Variants in AGO2 observed in about 807,000 individuals in gnomAD.
AGO2 encodes argonaute RISC catalytic component 2, also known as protein argonaute-2.
AGO2 carries 5 observed loss-of-function variants against 102.3 expected under a neutral mutation model. The ratio of observed to expected loss-of-function variants is 0.05; its 90% CI spans 0.03 to 0.10. AGO2 has a LOEUF of 0.10. Ranked by LOEUF, AGO2 falls within the 10% of genes least tolerant of loss-of-function variation. The pLI is 1.00. For synonymous variants in AGO2, 449 were observed against 473.1 expected (o/e 0.95, Z 0.66); for missense variants, 541 against 1,183.7 (o/e 0.46, Z 7.97).
upstream of AGO2, among the ~76,000 whole-genome samples, chr8:140,639,299 G>A (rs1394187365): frequency 6.6e-6 from 1 of 152,186 alleles, no homozygotes; most frequent in African/African-American, 2.4e-5. Flanking sequence ...GGCTAACACG[G>A]TGAAACCCTG....
chr8:140,639,558 A>G (rs1219597898), upstream of AGO2, among the ~76,000 whole-genome samples: 2 of 151,564 alleles, frequency 1.3e-5, no homozygotes, highest in Non-Finnish European at 2.9e-5. Context: ...TCAAGGTGAG[A>G]GGATTGCTTG....
intron 1 of AGO2, among the ~76,000 whole-genome samples, chr8:140,605,317 G>C (rs1385314031): frequency 6.6e-6 from 1 of 152,158 alleles, no homozygotes; most frequent in African/African-American, 2.4e-5. Flanking sequence ...GGCTGGACTT[G>C]AACTCCTGAG....
At chr8:140,626,035 T>C (rs1170653045) in intron 1 of AGO2, among the ~76,000 whole-genome samples, 6 of 152,208 alleles carry the variant, frequency 3.9e-5, no homozygotes, top group African/African-American at 7.2e-5. Flanking sequence ...CAGTCACCAA[T>C]AGGGCCACTC....
intron 16 of AGO2, among the ~76,000 whole-genome samples, chr8:140,536,291 C>CA (rs1392389942): frequency 6.6e-6 from 1 of 151,154 alleles, no homozygotes; most frequent in Non-Finnish European, 1.5e-5. Context: ...AATATACATA[C>CA]AAAAAAGAAT....
intron 1 of AGO2, among the ~76,000 whole-genome samples, chr8:140,634,543 A>C (rs1333927093): frequency 6.6e-6 from 1 of 152,334 alleles, no homozygotes; most frequent in East Asian, 1.9e-4. Flanking sequence ...AAGCAGGAGA[A>C]CACCTGACCG....
chr8:140,631,269 T>C (rs1029045892), intron 1 of AGO2, among the ~76,000 whole-genome samples: 10 of 151,926 alleles, frequency 6.6e-5, no homozygotes, highest in Non-Finnish European at 1.5e-4. Flanking sequence ...AGGCCGGGCG[T>C]GGTGGCTCAC....
At chr8:140,629,044 T>C (rs964100374) in intron 1 of AGO2, among the ~76,000 whole-genome samples, 1 of 151,568 alleles carries the variant, frequency 6.6e-6, no homozygotes, top group African/African-American at 2.4e-5. Flanking sequence ...TGGGTCGACA[T>C]TGCGCCACTG....
chr8:140,611,932 C>A (rs548507108), intron 1 of AGO2, among the ~76,000 whole-genome samples: 5 of 152,118 alleles, frequency 3.3e-5, no homozygotes, highest in Non-Finnish European at 7.4e-5. Flanking sequence ...TAAAAGACTT[C>A]TGGTGAGTTC....
chr8:140,556,879 C>T (rs1451539877), intron 8 of AGO2, among the ~76,000 whole-genome samples: 1 of 152,208 alleles, frequency 6.6e-6, no homozygotes, highest in Non-Finnish European at 1.5e-5. Context: ...AAGGTTCACA[C>T]CAATCCCACA....
chr8:140,640,003 C>A (rs2074431545), upstream of AGO2, among the ~76,000 whole-genome samples: 1 of 145,638 alleles, frequency 6.9e-6, no homozygotes, highest in South Asian at 2.3e-4. Context: ...CTCAAGTTGC[C>A]ATTTTTTTTT....
chr8:140,538,858 T>C (rs1424585263), intron 16 of AGO2, among the ~76,000 whole-genome samples: 1 of 152,198 alleles, frequency 6.6e-6, no homozygotes, highest in Non-Finnish European at 1.5e-5. Context: ...GCCAGCACTT[T>C]GGCAGGCCAA....
chr8:140,585,286 G>A lies in AGO2; in HGVS notation c.48C>T (p.Pro16=). ...GPALAPPAPP[P]PIQGYAFKPP... ...GCTTGAAGGCATATCCTTGGATGGGGGGCGGCGGCGCAGGAGGTGCAAGTG... is the reference window on the plus strand; with the variant it reads ...GCTTGAAGGCATATCCTTGGATGGGAGGCGGCGGCGCAGGAGGTGCAAGTG... The change falls in exon 2 of 19, where the codon CCC becomes CCT. Residue 16 remains proline (P), a synonymous_variant. Coordinates refer to ENST00000220592, the MANE Select transcript of AGO2 (RefSeq NM_012154.5). 3 of 1,614,000 alleles carry A rather than the reference G, an allele frequency of 1.9e-6. No homozygotes were observed. Among genetic ancestry groups the A allele is most frequent in the East Asian group, 2.2e-5 (1 of 44,872 alleles).
chr8:140,606,977 T>C (rs4961223), intron 1 of AGO2, among the ~76,000 whole-genome samples: 132,321 of 151,490 alleles, frequency 0.87, 58,330 homozygotes, highest in African/African-American at 0.97. Flanking sequence ...AGGCCAGGCA[T>C]GGTGGCTCAC....
Position 140,585,309 on chromosome 8 carries a change from G to A in AGO2, c.25C>T (p.Leu9Phe), listed in dbSNP as rs757723470. 6.2e-7 allele frequency: 1 copy of A among 1,613,584 alleles called. No individual in the cohort carries two copies. Among genetic ancestry groups the A allele is most frequent in the South Asian group, 1.1e-5 (1 of 91,048 alleles). The change falls in exon 2 of 19, where the codon CTT (leucine) becomes TTT (phenylalanine). Residue 9 changes from leucine to phenylalanine, a missense_variant and splice_region_variant. Leu to Phe is a conservative substitution (Grantham distance 22). Transcript: ENST00000220592. ...GGGGGCGGCGGCGCAGGAGGTGCAA[G>A]TGCTGGAATGGCAGAGAGAACACCC... MYSGAGPA[L>F]APPAPPPPIQ...
chr8:140,614,750 G>A (rs2074119845), intron 1 of AGO2, among the ~76,000 whole-genome samples: 1 of 152,234 alleles, frequency 6.6e-6, no homozygotes, highest in Non-Finnish European at 1.5e-5. Flanking sequence ...CTGTGCCCCA[G>A]TCTCCTCACT....
rs34444857 is a variant in AGO2, at chr8:140,565,641, C to CAA, written c.337-3009_337-3008dup. Among the ~76,000 whole-genome samples, 10 of 110,726 alleles carry CAA rather than the reference C, an allele frequency of 9.0e-5. 1 individual carries two copies. Among genetic ancestry groups the CAA allele is most frequent in the Non-Finnish European group, 1.3e-4 (7 of 53,940 alleles). 72.6% of individuals were successfully genotyped at this position (110,726 alleles called of 152,430 possible). On this transcript the variant is annotated intron_variant, in intron 3 of 18. Transcript: ENST00000220592. The stretch of plus-strand genomic sequence containing the variant: ...TGGGGATCAGAGTGAGACTCTGTCT[C>CAA]AAAAAAAAAAAAAGAAGAAGAAGAA...
Position 140,549,172 on chromosome 8 carries a change from G to A in AGO2, c.1530C>T (p.Asn510=), listed in dbSNP as rs1209151967. The A allele has an allele frequency of 1.2e-6, 2 of 1,613,524 alleles. No individual in the cohort carries two copies. The highest frequency in any genetic ancestry group is 1.7e-5 in the Admixed American group (1 of 60,026). Residue 510 remains asparagine, a synonymous_variant, in exon 12 of 19, where the codon AAC becomes AAT. Coordinates refer to ENST00000220592, the MANE Select transcript of AGO2 (RefSeq NM_012154.5). ...SVEPMFRHLK[N]TYAGLQLVVV... is the part of the protein sequence containing the mutation. Reference sequence around the variant, plus strand: ...CCACCAGCTGCAGGCCCGCATACGTGTTCTTCAGGTGCCGGAACATGGGCT... The same window carrying A: ...CCACCAGCTGCAGGCCCGCATACGTATTCTTCAGGTGCCGGAACATGGGCT...
intron 1 of AGO2, among the ~76,000 whole-genome samples, chr8:140,630,432 G>A (rs2074327736): frequency 6.6e-6 from 1 of 152,244 alleles, no homozygotes; most frequent in African/African-American, 2.4e-5. Flanking sequence ...ACGTGTAAAG[G>A]ACCAAGAACA....
chr8:140,599,302 T>C (rs1461515427), intron 1 of AGO2, among the ~76,000 whole-genome samples: 1 of 152,130 alleles, frequency 6.6e-6, no homozygotes. Context: ...GTGACCAGGA[T>C]TATCACCGGC....
Sources: allele counts gnomAD v4.1 joint callset (sites outside exome capture counted in the v4.1 genomes callset), GRCh38; gene constraint gnomAD v4.1.1; transcripts MANE v1.5; gene names NCBI Gene and HGNC (gene_info 2026-07-23, HGNC 2026-07-21).